DBT: variants seen among roughly 807,000 people sequenced by gnomAD.
The protein encoded by DBT is dihydrolipoamide branched chain transacylase E2.
In DBT, 40 loss-of-function variants were observed where a neutral mutation model predicts 51.3. That is an observed-to-expected ratio of 0.78 (90% confidence interval 0.61 to 1.02). DBT has a LOEUF of 1.02. Ranked by LOEUF, DBT falls within the 50% of genes least tolerant of loss-of-function variation. The probability of loss-of-function intolerance (pLI) is 0.00; values close to 1 mark genes in which losing one functional copy is unlikely to be tolerated. For missense variants in DBT, 510 were observed against 580.2 expected (o/e 0.88, Z 1.24); for synonymous variants, 181 against 190.4 (o/e 0.95, Z 0.41).
At chr1:100,196,903 AGTAAG>A (rs1661147752) in intron 10 of DBT, 1 of 198,782 alleles carries the variant, frequency 5.0e-6, no homozygotes, top group Non-Finnish European at 1.0e-5. Context: ...TATTAAAGCT[AGTAAG>A]CACCACATCA....
chr1:100,232,131 C>T (rs1168631668), intron 3 of DBT, among the ~76,000 whole-genome samples: 2 of 152,262 alleles, frequency 1.3e-5, no homozygotes, highest in East Asian at 3.9e-4. Context: ...GATGACTTTG[C>T]CCAAATGTGG....
chr1:100,189,062 C>T lies in DBT; in HGVS notation c.*7193G>A, dbSNP rs1206837510. 6.6e-6 allele frequency: 1 copy of T among 152,186 alleles called. No individual in the cohort carries two copies. Among genetic ancestry groups the T allele is most frequent in the African/African-American group, 2.4e-5 (1 of 41,432 alleles). The allele number at this position is 152,186 out of a possible 1,614,324, so 9.4% of individuals were successfully genotyped here. A position where few individuals can be genotyped will look rare whatever the true frequency, so the allele number is the denominator to read the frequency against. On this transcript the variant is annotated 3_prime_UTR_variant, in exon 11 of 11. Coordinates refer to ENST00000370132, the MANE Select transcript of DBT (RefSeq NM_001918.5). ...TTGTAAAATAAAGGAGGCTGCAGGC[C>T]AGGCACCGTGGCTCATGCCTGTAAT...
At chr1:100,227,821 A>C (rs1663308985) in intron 4 of DBT, among the ~76,000 whole-genome samples, 1 of 151,886 alleles carries the variant, frequency 6.6e-6, no homozygotes, top group Non-Finnish European at 1.5e-5. Flanking sequence ...TTTAATTTTT[A>C]ATTTTAATTT....
At chr1:100,239,281 G>C (rs1664072170) in intron 2 of DBT, among the ~76,000 whole-genome samples, 1 of 152,194 alleles carries the variant, frequency 6.6e-6, no homozygotes, top group South Asian at 2.1e-4. Flanking sequence ...AATCCAAGTA[G>C]CCTGGAACTG....
intron 1 of DBT, among the ~76,000 whole-genome samples, chr1:100,244,872 G>A (rs1232134088): frequency 6.6e-6 from 1 of 152,082 alleles, no homozygotes; most frequent in East Asian, 1.9e-4. Flanking sequence ...GATAAGAAGG[G>A]GAGAGTACTG....
intron 10 of DBT, among the ~76,000 whole-genome samples, chr1:100,198,241 A>G (rs1661218847): frequency 6.6e-6 from 1 of 152,230 alleles, no homozygotes; most frequent in African/African-American, 2.4e-5. Context: ...CCAGATACAA[A>G]AGGACAAATA....
At chr1:100,227,221 T>C (rs1308191802) in intron 4 of DBT, among the ~76,000 whole-genome samples, 1 of 152,246 alleles carries the variant, frequency 6.6e-6, no homozygotes, top group Non-Finnish European at 1.5e-5. Context: ...CAGTCTGTTG[T>C]TGACCATAAC....
rs1209929212 is a variant in DBT at position 100,191,321 on chromosome 1, G to GT, written c.*4933dup. 6.6e-6 allele frequency: 1 copy of GT among 152,062 alleles called. No individual in the cohort carries two copies. The highest frequency in any genetic ancestry group is 1.5e-5 in the Non-Finnish European group (1 of 68,002). The allele number at this position is 152,062 out of a possible 1,614,324, so 9.4% of individuals were successfully genotyped here. ...CTTAAACTGGGAAGAAAATACAAAT[G>GT]TTTTTTGTTGGAGAAATTATAAAAT... On this transcript the variant is annotated 3_prime_UTR_variant, in exon 11 of 11. Transcript: ENST00000370132.
At chr1:100,213,790 T>C in intron 7 of DBT, 1 of 1,451,916 alleles carries the variant, frequency 6.9e-7, no homozygotes, top group East Asian at 2.5e-5. Flanking sequence ...GTGGGACCGA[T>C]GTGGCACACG....
chr1:100,222,060 GA>G (rs1312486457), intron 4 of DBT, among the ~76,000 whole-genome samples: 1 of 152,160 alleles, frequency 6.6e-6, no homozygotes, highest in African/African-American at 2.4e-5. Context: ...CATCCAAACT[GA>G]AAAGATTTCA....
rs565498399 is a variant in DBT at position 100,234,476 on chromosome 1, A to T, written c.251+960T>A. On this transcript the variant is annotated intron_variant, in intron 3 of 10. Coordinates refer to ENST00000370132, the MANE Select transcript of DBT (RefSeq NM_001918.5). The stretch of plus-strand genomic sequence containing the variant: ...CATAGTAAGATCTCATCTCTACCAA[A>T]AAAAAAAAAAAAGTCGAAAATCTTT... 1.8e-3 allele frequency among the ~76,000 whole-genome samples: 278 copies of T among 151,560 alleles called. 5 individuals are homozygous for T. Among genetic ancestry groups the T allele is most frequent in the Admixed American group, 2.6e-3 (40 of 15,218 alleles).
At chr1:100,235,840 C>G (rs1663830561) in intron 2 of DBT, among the ~76,000 whole-genome samples, 1 of 152,016 alleles carries the variant, frequency 6.6e-6, no homozygotes, top group Non-Finnish European at 1.5e-5. Flanking sequence ...GAAAATAGAA[C>G]AAAGATATAC....
intron 8 of DBT, among the ~76,000 whole-genome samples, chr1:100,209,718 C>T (rs1412260407): frequency 3.3e-5 from 5 of 152,020 alleles, no homozygotes; most frequent in Admixed American, 2.0e-4. Context: ...CTGGCCACCA[C>T]GGCTGGCTAA....
chr1:100,199,542 G>A (rs2100767071), intron 10 of DBT, among the ~76,000 whole-genome samples: 1 of 152,276 alleles, frequency 6.6e-6, no homozygotes. Flanking sequence ...TACACACAGA[G>A]GCAGCCACCA....
chr1:100,236,930 T>C (rs1663901037), intron 2 of DBT, among the ~76,000 whole-genome samples: 1 of 152,232 alleles, frequency 6.6e-6, no homozygotes, highest in African/African-American at 2.4e-5. Flanking sequence ...TTGTGTACCA[T>C]GCTAAAATAT....
chr1:100,198,978 A>C (rs976653832), intron 10 of DBT, among the ~76,000 whole-genome samples: 2 of 152,212 alleles, frequency 1.3e-5, no homozygotes, highest in Non-Finnish European at 2.9e-5. Flanking sequence ...AGTGACAATG[A>C]CATTTAATAA....
intron 1 of DBT, among the ~76,000 whole-genome samples, chr1:100,245,399 A>G (rs1664477424): frequency 1.3e-5 from 2 of 152,152 alleles, no homozygotes; most frequent in African/African-American, 4.8e-5. Context: ...TTAAAAAGGC[A>G]TGCTTATGGA....
chr1:100,191,744 G>A lies in DBT; in HGVS notation c.*4511C>T, dbSNP rs1660815136. 1 of 48,732 alleles carries A rather than the reference G, an allele frequency of 2.1e-5. No homozygotes were observed. The highest frequency in any genetic ancestry group is 5.6e-5 in the Non-Finnish European group (1 of 17,934). The allele number at this position is 48,732 out of a possible 1,614,324, so 3.0% of individuals were successfully genotyped here. A position where few individuals can be genotyped will look rare whatever the true frequency, so the allele number is the denominator to read the frequency against. On this transcript the variant is annotated 3_prime_UTR_variant, in exon 11 of 11. Coordinates refer to ENST00000370132, the MANE Select transcript of DBT (RefSeq NM_001918.5). Reference sequence around the variant, plus strand: ...GGGGTGTGTGTATATATATGTGTGTGTGTATACACACACACACACACACAC... The same window carrying A: ...GGGGTGTGTGTATATATATGTGTGTATGTATACACACACACACACACACAC...
rs1660631889 is a variant in DBT, at chr1:100,187,766, A to G, written c.*8489T>C. 1 of 150,556 alleles carries G rather than the reference A, an allele frequency of 6.6e-6. No homozygotes were observed. The highest frequency in any genetic ancestry group is 2.1e-4 in the South Asian group (1 of 4,800). 9.3% of individuals were successfully genotyped at this position (150,556 alleles called of 1,614,324 possible). ...TGCCCATGTGGGATATTTTGTATACATTTCAAAAGGCAACTACAAAAATTG... is the reference window on the plus strand; with the variant it reads ...TGCCCATGTGGGATATTTTGTATACGTTTCAAAAGGCAACTACAAAAATTG... On this transcript the variant is annotated 3_prime_UTR_variant, in exon 11 of 11. Transcript: ENST00000370132.
Sources: gnomAD v4.1 joint callset for allele counts (sites outside exome capture counted in the v4.1 genomes callset) on GRCh38, gnomAD v4.1.1 for gene constraint, MANE v1.5 for transcripts, NCBI Gene and HGNC (gene_info 2026-07-23, HGNC 2026-07-21) for gene names.